The following LRRC4C variants were observed in gnomAD, a reference collection of about 807,000 sequenced individuals.
The protein encoded by LRRC4C is leucine-rich repeat-containing protein 4C.
LRRC4C carries 5 observed loss-of-function variants against 33.6 expected under a neutral mutation model. The ratio of observed to expected loss-of-function variants is 0.15; its 90% CI spans 0.08 to 0.31. The LOEUF (loss-of-function observed/expected upper bound fraction) is 0.31. Among genes scored for constraint, LRRC4C ranks in the 10% least tolerant of loss-of-function variants. The pLI is 1.00. For missense variants in LRRC4C, 560 were observed against 796.7 expected, an observed-to-expected ratio of 0.70 and a Z score of 3.58; for synonymous variants, 329 against 302.0, an observed-to-expected ratio of 1.09 and a Z score of -0.93.
rs140335419 is a variant in LRRC4C, at chr11:40,491,807, TGAG to T, written c.-270+156332_-270+156334del. The stretch of plus-strand genomic sequence containing the variant: ...TTTTGTTATATAGTATATCCTCTCA[TGAG>T]TAAGTATCTCATCACGTTCACAGTC... On this transcript the variant is annotated intron_variant, in intron 3 of 6. Transcript: ENST00000528697. Among the ~76,000 whole-genome samples the T allele has an allele frequency of 5.0e-3, 761 of 152,296 alleles. 5 individuals are homozygous for T. Among genetic ancestry groups the T allele is most frequent in the African/African-American group, 0.017 (726 of 41,566 alleles).
intron 2 of LRRC4C, among the ~76,000 whole-genome samples, chr11:40,828,523 T>C (rs977480759): frequency 6.6e-6 from 1 of 151,952 alleles, no homozygotes; most frequent in Non-Finnish European, 1.5e-5. Flanking sequence ...ACTTACATGG[T>C]TCGCATTTAT....
intron 3 of LRRC4C, among the ~76,000 whole-genome samples, chr11:40,421,231 A>G (rs1950512127): frequency 1.3e-5 from 2 of 152,228 alleles, no homozygotes; most frequent in Admixed American, 1.3e-4. Context: ...ATTCAATAGG[A>G]CAGATCTGAT....
intron 3 of LRRC4C, among the ~76,000 whole-genome samples, chr11:40,514,305 C>G (rs1423574819): frequency 2.0e-5 from 3 of 152,200 alleles, no homozygotes; most frequent in Non-Finnish European, 4.4e-5. Flanking sequence ...GGGCTTAGCA[C>G]AGTGCACTAC....
At chr11:40,618,356 A>G (rs1591290619) in intron 3 of LRRC4C, among the ~76,000 whole-genome samples, 1 of 151,662 alleles carries the variant, frequency 6.6e-6, no homozygotes, top group South Asian at 2.1e-4. Context: ...AACCACCAGA[A>G]GAAACTAGGA....
intron 2 of LRRC4C, among the ~76,000 whole-genome samples, chr11:40,743,200 T>C (rs555385799): frequency 6.6e-6 from 1 of 152,154 alleles, no homozygotes; most frequent in East Asian, 1.9e-4. Context: ...AAAAATGATA[T>C]CAACAGTGAA....
intron 5 of LRRC4C, among the ~76,000 whole-genome samples, chr11:40,226,158 A>T (rs980889794): frequency 6.6e-6 from 1 of 152,216 alleles, no homozygotes; most frequent in African/African-American, 2.4e-5. Flanking sequence ...GTTAGTAAGG[A>T]GAATACCAAA....
intron 1 of LRRC4C, among the ~76,000 whole-genome samples, chr11:40,984,387 G>GAA (rs1415587754): frequency 1.3e-5 from 1 of 76,272 alleles, no homozygotes; most frequent in African/African-American, 5.2e-5. Context: ...AAGAAAGAAA[G>GAA]AAAGAAAGAA....
At chr11:40,347,268 C>T (rs1197239895) in intron 3 of LRRC4C, among the ~76,000 whole-genome samples, 1 of 152,204 alleles carries the variant, frequency 6.6e-6, no homozygotes, top group African/African-American at 2.4e-5. Flanking sequence ...TTTTCCTAAA[C>T]CTTATGAACC....
intron 1 of LRRC4C, among the ~76,000 whole-genome samples, chr11:41,045,525 C>G (rs1291754423): frequency 2.6e-5 from 4 of 152,084 alleles, no homozygotes; most frequent in African/African-American, 7.2e-5. Context: ...AACTGTTCCT[C>G]TTTTTCTGAA....
chr11:40,785,986 G>A (rs1035226660), intron 2 of LRRC4C, among the ~76,000 whole-genome samples: 1 of 151,948 alleles, frequency 6.6e-6, no homozygotes, highest in Non-Finnish European at 1.5e-5. Context: ...AGAATCCAGT[G>A]ACTCCTTAAC....
chr11:41,416,110 G>C (rs1364505003), intron 1 of LRRC4C, among the ~76,000 whole-genome samples: 2 of 152,024 alleles, frequency 1.3e-5, no homozygotes, highest in Admixed American at 6.6e-5. Flanking sequence ...TTTTCAGAGA[G>C]TCATATAAAG....
At chr11:40,179,086 C>A (rs1016335906) in intron 5 of LRRC4C, among the ~76,000 whole-genome samples, 1 of 151,774 alleles carries the variant, frequency 6.6e-6, no homozygotes, top group Non-Finnish European at 1.5e-5. Context: ...TTCACTGCAA[C>A]CTTGAGCTCC....
In LRRC4C at chr11:40,476,342, CT is replaced by C. The variant is rs71308392; in HGVS notation, c.-269-156622del. On this transcript the variant is annotated intron_variant, in intron 3 of 6. Transcript: ENST00000528697. ...CTAATGAGTGCACATTTTTTTTCTT[CT>C]TTTTTTTTTTTTTTTTTTTTTTGAG... 5.1e-3 allele frequency among the ~76,000 whole-genome samples: 416 copies of C among 81,362 alleles called. 1 individual carries two copies. Among genetic ancestry groups the C allele is most frequent in the African/African-American group, 0.016 (350 of 22,458 alleles). The allele number at this position is 81,362 out of a possible 152,430, so 53.4% of individuals were successfully genotyped here. A position where few individuals can be genotyped will look rare whatever the true frequency, so the allele number is the denominator to read the frequency against.
At chr11:40,164,108 T>C (rs1859388337) in intron 5 of LRRC4C, among the ~76,000 whole-genome samples, 1 of 152,270 alleles carries the variant, frequency 6.6e-6, no homozygotes. Context: ...CTCTAAGAGC[T>C]GAGTATGTGG....
intron 2 of LRRC4C, among the ~76,000 whole-genome samples, chr11:40,800,472 T>A (rs1474070283): frequency 6.6e-6 from 1 of 152,206 alleles, no homozygotes; most frequent in Admixed American, 6.5e-5. Context: ...TCATTCGCCC[T>A]TTTCCGAAGT....
chr11:40,120,578 G>C (rs1855753352), intron 6 of LRRC4C, among the ~76,000 whole-genome samples: 1 of 152,040 alleles, frequency 6.6e-6, no homozygotes, highest in African/African-American at 2.4e-5. Flanking sequence ...CAAAATCCCT[G>C]ATACATAAGC....
chr11:40,508,286 A>G (rs1955137141), intron 3 of LRRC4C, among the ~76,000 whole-genome samples: 1 of 152,208 alleles, frequency 6.6e-6, no homozygotes, highest in South Asian at 2.1e-4. Flanking sequence ...TTTACTTTGT[A>G]CATTTCTGTA....
chr11:41,195,865 G>A (rs1255367637), intron 1 of LRRC4C, among the ~76,000 whole-genome samples: 1 of 152,038 alleles, frequency 6.6e-6, no homozygotes, highest in African/African-American at 2.4e-5. Context: ...ATTTGCAGAT[G>A]CAAAGTTGTT....
intron 2 of LRRC4C, among the ~76,000 whole-genome samples, chr11:40,862,440 G>T (rs1192996045): frequency 6.6e-6 from 1 of 152,148 alleles, no homozygotes; most frequent in Non-Finnish European, 1.5e-5. Context: ...AAAGAAAATG[G>T]AAACCATTTA....
Sources: allele counts gnomAD v4.1 joint callset (sites outside exome capture counted in the v4.1 genomes callset), GRCh38; gene constraint gnomAD v4.1.1; transcripts MANE v1.5; gene names NCBI Gene and HGNC (gene_info 2026-07-23, HGNC 2026-07-21).